The following GARNL3 variants were observed in gnomAD, a reference collection of about 807,000 sequenced individuals.
GARNL3 encodes the protein GTPase activating Rap/RanGAP domain like 3.
In GARNL3, 63 loss-of-function variants were observed where a neutral mutation model predicts 125.0. The ratio of observed to expected loss-of-function variants is 0.50; its 90% CI spans 0.41 to 0.62. The LOEUF (loss-of-function observed/expected upper bound fraction) is 0.62. Among genes scored for constraint, GARNL3 ranks in the 20% least tolerant of loss-of-function variants. The pLI, the probability that GARNL3 is intolerant of heterozygous loss-of-function variation, is 0.00. For missense variants in GARNL3, 994 were observed against 1,244.0 expected, an observed-to-expected ratio of 0.80 and a Z score of 3.02; for synonymous variants, 439 against 457.5, an observed-to-expected ratio of 0.96 and a Z score of 0.52.
At chr9:127,249,528 A>G (rs1488755788) in intron 2 of GARNL3, among the ~76,000 whole-genome samples, 1 of 151,984 alleles carries the variant, frequency 6.6e-6, no homozygotes, top group Non-Finnish European at 1.5e-5. Flanking sequence ...TGAGGCTGCA[A>G]TGAGCCGTGA....
intron 1 of GARNL3, among the ~76,000 whole-genome samples, chr9:127,225,853 C>A (rs2062902976): frequency 6.6e-6 from 1 of 151,382 alleles, no homozygotes; most frequent in East Asian, 1.9e-4. Flanking sequence ...GCGCCCCTCT[C>A]CCTCGCGACG....
In GARNL3 at chr9:127,332,325, A is replaced by G; in HGVS notation, c.646A>G (p.Thr216Ala). The G allele has an allele frequency of 6.2e-7, 1 of 1,613,866 alleles. No individual in the cohort carries two copies. Among genetic ancestry groups the G allele is most frequent in the Non-Finnish European group, 8.5e-7 (1 of 1,179,742 alleles). ...TCTTTTTGCCAAAGATGGGCAGCTC[A>G]CTGATGATGAGATGTTCAGCAATGG... The part of the protein sequence containing the change: ...GVLFAKDGQL[T>A]DDEMFSNEIG... Residue 216 changes from threonine to alanine, a missense_variant, in exon 8 of 28, where the codon ACT (threonine) becomes GCT (alanine). By Grantham distance (58) the Thr-to-Ala change is moderately conservative. Transcript: ENST00000373387.
intron 1 of GARNL3, among the ~76,000 whole-genome samples, chr9:127,225,644 C>G (rs889836262): frequency 6.6e-6 from 1 of 151,280 alleles, no homozygotes; most frequent in South Asian, 2.1e-4. Flanking sequence ...AGGCCCCGCA[C>G]GCCCGCGGCT....
At chr9:127,365,948 G>A (rs1035896422) in intron 22 of GARNL3, among the ~76,000 whole-genome samples, 55 of 152,160 alleles carry the variant, frequency 3.6e-4, no homozygotes, top group African/African-American at 1.1e-3. Flanking sequence ...TGGATTAGGT[G>A]GCAGGGTAGG....
intron 7 of GARNL3, among the ~76,000 whole-genome samples, chr9:127,329,507 C>A (rs937879850): frequency 3.9e-5 from 6 of 152,138 alleles, no homozygotes; most frequent in Admixed American, 3.9e-4. Flanking sequence ...GAAGACTTGA[C>A]AAGACCTTGC....
intron 27 of GARNL3, among the ~76,000 whole-genome samples, chr9:127,391,533 A>AAAAATATATAT: frequency 2.6e-5 from 2 of 75,858 alleles, no homozygotes; most frequent in East Asian, 7.9e-4. Flanking sequence ...ACAAAAAAAA[A>AAAAATATATAT]ATATATATAT....
chr9:127,263,783 A>G, upstream of GARNL3: 2 of 1,243,742 alleles, frequency 1.6e-6, no homozygotes, highest in Non-Finnish European at 2.0e-6. Flanking sequence ...CTCATATAAG[A>G]TTAATTCAGC....
intron 1 of GARNL3, among the ~76,000 whole-genome samples, chr9:127,231,050 A>ATTTTTTTTTT (rs71308298): frequency 1.1e-5 from 1 of 89,580 alleles, no homozygotes; most frequent in African/African-American, 7.9e-5. Flanking sequence ...ATATATATAT[A>ATTTTTTTTTT]TTTTTTTTTT....
chr9:127,363,220 T>C (rs568669862), intron 21 of GARNL3: 1 of 152,376 alleles, frequency 6.6e-6, no homozygotes, highest in Admixed American at 6.5e-5. Context: ...TTATTTTGGA[T>C]TTGACAACCC....
chr9:127,381,561 G>A (rs1263049590), intron 22 of GARNL3, among the ~76,000 whole-genome samples: 1 of 151,980 alleles, frequency 6.6e-6, no homozygotes, highest in Non-Finnish European at 1.5e-5. Context: ...AAATTATACA[G>A]TATGTACTCA....
chr9:127,314,304 G>A (rs1349013716), intron 4 of GARNL3, among the ~76,000 whole-genome samples: 1 of 152,172 alleles, frequency 6.6e-6, no homozygotes, highest in African/African-American at 2.4e-5. Flanking sequence ...CCACTGAGTT[G>A]CTACCCTTCT....
In GARNL3 at chr9:127,381,763, A is replaced by AT. The variant is rs58674413; in HGVS notation, c.2162-1660dup. ...AGGCGCCCGCCACCACGCCCGGCTAATTTTTTTTTTTTTTTGTATTTTTAG... is the reference window on the plus strand; with the variant it reads ...AGGCGCCCGCCACCACGCCCGGCTAATTTTTTTTTTTTTTTTGTATTTTTAG... On this transcript the variant is annotated intron_variant, in intron 22 of 27. Transcript: ENST00000373387. Among the ~76,000 whole-genome samples, 323 of 142,362 alleles carry AT rather than the reference A, an allele frequency of 2.3e-3. 1 individual carries two copies. Among genetic ancestry groups the AT allele is most frequent in the East Asian group, 6.0e-3 (29 of 4,850 alleles). The allele number at this position is 142,362 out of a possible 152,430, so 93.4% of individuals were successfully genotyped here. A position where few individuals can be genotyped will look rare whatever the true frequency, so the allele number is the denominator to read the frequency against.
At chr9:127,225,911 G>A (rs1053735427) in intron 1 of GARNL3, among the ~76,000 whole-genome samples, 2 of 151,568 alleles carry the variant, frequency 1.3e-5, no homozygotes, top group African/African-American at 4.8e-5. Flanking sequence ...TCTTCCCCCG[G>A]GGCCTCTCAC....
At chr9:127,239,984 T>A (rs889888344) in intron 1 of GARNL3, among the ~76,000 whole-genome samples, 1 of 152,188 alleles carries the variant, frequency 6.6e-6, no homozygotes, top group East Asian at 1.9e-4. Flanking sequence ...ATCTTAGTAT[T>A]TAAAGATTAA....
chr9:127,235,584 G>A (rs1195161648), intron 1 of GARNL3, among the ~76,000 whole-genome samples: 2 of 152,098 alleles, frequency 1.3e-5, no homozygotes, highest in Non-Finnish European at 2.9e-5. Context: ...TTGTGTCATG[G>A]ATACATAATG....
Position 127,388,966 on chromosome 9 carries a change from G to A in GARNL3, c.2590G>A (p.Glu864Lys). Residue 864 changes from glutamate to lysine, a missense_variant, in exon 26 of 28, where the codon GAA becomes AAA. Glu to Lys is a moderately conservative substitution (Grantham distance 56, BLOSUM62 1). This residue lies in a region of GARNL3 where 728 missense variants were observed against 865.7 expected (regional missense o/e 0.84). Transcript: ENST00000373387. ...TAGAAACCTCGTGGGCAGAAGCATC[G>A]AACGACCTCTGAAGTCACCCTTAGT... ...PLRNLVGRSI[E>K]RPLKSPLVSK... is the part of the protein sequence containing the mutation. 4.3e-6 allele frequency: 7 copies of A among 1,613,700 alleles called. No homozygotes were observed. The highest frequency in any genetic ancestry group is 1.3e-5 in the African/African-American group (1 of 75,002).
At chr9:127,310,884 A>G (rs2065076900) in intron 2 of GARNL3, among the ~76,000 whole-genome samples, 1 of 152,156 alleles carries the variant, frequency 6.6e-6, no homozygotes. Context: ...ATAATTTTGT[A>G]TCAGTCCTCC....
chr9:127,393,395 A>G lies in GARNL3; in HGVS notation c.*141A>G. ...GACCAAACCTTCTGCACACTCGGCCAGTTCCCTCTCCAATGTCCGGTGCCA... is the reference window on the plus strand; with the variant it reads ...GACCAAACCTTCTGCACACTCGGCCGGTTCCCTCTCCAATGTCCGGTGCCA... On this transcript the variant is annotated 3_prime_UTR_variant, in exon 28 of 28. Coordinates refer to ENST00000373387, the MANE Select transcript of GARNL3 (RefSeq NM_032293.5). The G allele has an allele frequency of 1.6e-6, 1 of 640,646 alleles. No individual in the cohort carries two copies. The highest frequency in any genetic ancestry group is 2.6e-6 in the Non-Finnish European group (1 of 385,884). The allele number at this position is 640,646 out of a possible 1,614,324, so 39.7% of individuals were successfully genotyped here. A position where few individuals can be genotyped will look rare whatever the true frequency, so the allele number is the denominator to read the frequency against.
In GARNL3 at chr9:127,353,847, T is replaced by G; in HGVS notation, c.1545T>G (p.Asp515Glu). The change falls in exon 18 of 28, where the codon GAT becomes GAG. Residue 515 changes from aspartate (D) to glutamate (E), a missense_variant and splice_region_variant. Coordinates refer to ENST00000373387, the MANE Select transcript of GARNL3 (RefSeq NM_032293.5). ...GGGTAACCAGGTTTCCTTTTCCAGA[T>G]GACCTTCCATCAGTGCCCGTGTTTG... ...STDAGVLLVD[D>E]DLPSVPVFDR... The G allele has an allele frequency of 6.2e-7, 1 of 1,609,046 alleles. No individual in the cohort carries two copies. Among genetic ancestry groups the G allele is most frequent in the Non-Finnish European group, 8.5e-7 (1 of 1,175,352 alleles).
Sources: gnomAD v4.1 joint callset for allele counts (sites outside exome capture counted in the v4.1 genomes callset) on GRCh38, gnomAD v4.1.1 for gene constraint, gnomAD v4.1.1 regional missense constraint, MANE v1.5 for transcripts, NCBI Gene and HGNC (gene_info 2026-07-23, HGNC 2026-07-21) for gene names.